OXNAD1: variants seen among roughly 807,000 people sequenced by gnomAD.
The protein encoded by OXNAD1 is oxidoreductase NAD-binding domain-containing protein 1.
A neutral mutation model predicts 32.9 loss-of-function variants in OXNAD1; 34 were observed. The observed-to-expected ratio is 1.03, with a 90% CI of 0.79 to 1.38. OXNAD1 has a LOEUF of 1.38. OXNAD1 is among the 40% of genes most tolerant of loss of function. The pLI, the probability that OXNAD1 is intolerant of heterozygous loss-of-function variation, is 0.00. For synonymous variants in OXNAD1, 134 were observed against 135.2 expected (o/e 0.99, Z 0.06); for missense variants, 407 against 379.4 (o/e 1.07, Z -0.60).
In OXNAD1 at chr3:16,287,012, C is replaced by T. The variant is rs1056875246; in HGVS notation, c.290+564C>T. On this transcript the variant is annotated intron_variant, in intron 5 of 8. Coordinates refer to ENST00000285083, the MANE Select transcript of OXNAD1 (RefSeq NM_138381.5). This position sits in a 1 kb window ranked among gnomAD's most constrained non-coding sequence, Gnocchi z 4.8. ...TTGTTATCAGGATTCCCCAGTCAGG[C>T]CCAGCTCCCCAGAACCCCCACACAA... 2.6e-5 allele frequency among the ~76,000 whole-genome samples: 4 copies of T among 152,112 alleles called. No individual in the cohort carries two copies. Among genetic ancestry groups the T allele is most frequent in the African/African-American group, 9.7e-5 (4 of 41,408 alleles).
Position 16,345,815 on chromosome 3 carries a change from TGTGCGCGCGCGCGTGCGCGC to T in OXNAD1, c.*31-3360_*31-3341del, listed in dbSNP as rs2071639851. ...GTGTGTGTGTGTGTGTGTGTGTGTG[TGTGCGCGCGCGCGTGCGCGC>T]ACGCGCACATGTGCATGTGTATGTG... On this transcript the variant is annotated intron_variant, in intron 9 of 9. Coordinates refer to the OXNAD1 transcript ENST00000606098. The surrounding 1 kb of genome is among the most constrained non-coding windows in gnomAD (Gnocchi z 5.2). 1.2e-5 allele frequency among the ~76,000 whole-genome samples: 1 copy of T among 82,346 alleles called. No individual in the cohort carries two copies. Among genetic ancestry groups the T allele is most frequent in the South Asian group, 3.8e-4 (1 of 2,636 alleles). 54.0% of individuals were successfully genotyped at this position (82,346 alleles called of 152,430 possible).
At chr3:16,350,899 T>C (rs558499527), downstream of OXNAD1, among the ~76,000 whole-genome samples, 2 of 152,318 alleles carry the variant, frequency 1.3e-5, no homozygotes, top group South Asian at 4.1e-4. Flanking sequence ...AGAACAAATA[T>C]TGGCTCCCTT....
At chr3:16,326,664 G>T in intron 9 of OXNAD1, 1 of 792,694 alleles carries the variant, frequency 1.3e-6, no homozygotes, top group Non-Finnish European at 2.0e-6. Context: ...ATAACTACCA[G>T]CCTCTTGCAC....
rs1362779292 is a variant in OXNAD1, at chr3:16,345,830, G to A, written c.*31-3346G>A. On this transcript the variant is annotated intron_variant, in intron 9 of 9. Transcript: ENST00000606098. This position sits in a 1 kb window ranked among gnomAD's most constrained non-coding sequence, Gnocchi z 5.2. ...TGTGTGTGTGTGTGCGCGCGCGCGT[G>A]CGCGCACGCGCACATGTGCATGTGT... 8.2e-4 allele frequency among the ~76,000 whole-genome samples: 67 copies of A among 81,894 alleles called. 1 individual carries two copies. The highest frequency in any genetic ancestry group is 3.1e-3 in the African/African-American group (61 of 19,746). The allele number at this position is 81,894 out of a possible 152,430, so 53.7% of individuals were successfully genotyped here.
chr3:16,299,845 A>G lies in OXNAD1; in HGVS notation c.433-1781A>G, dbSNP rs1264045663. Among the ~76,000 whole-genome samples the G allele has an allele frequency of 1.3e-5, 2 of 152,348 alleles. No homozygotes were observed. The highest frequency in any genetic ancestry group is 4.1e-4 in the South Asian group (2 of 4,828). On this transcript the variant is annotated intron_variant, in intron 6 of 8. Transcript: ENST00000285083. This position sits in a 1 kb window ranked among gnomAD's most constrained non-coding sequence, Gnocchi z 4.4. ...AGAATCTGTTTTTTAGTGACAGGGA[A>G]GAAGGAAGCTGGTATTGCCAGCACT...
In OXNAD1 at chr3:16,344,535, G is replaced by C. The variant is rs1356073397; in HGVS notation, c.*31-4641G>C. On this transcript the variant is annotated intron_variant, in intron 9 of 9. Transcript: ENST00000606098. This position sits in a 1 kb window ranked among gnomAD's most constrained non-coding sequence, Gnocchi z 4.4. Reference sequence around the variant, plus strand: ...CTAGAATGCTTTATGTGGAGCCCAAGAGCATCCATGTTCTTATTCTTAGAT... The same window carrying C: ...CTAGAATGCTTTATGTGGAGCCCAACAGCATCCATGTTCTTATTCTTAGAT... Among the ~76,000 whole-genome samples, 1 of 152,068 alleles carries C rather than the reference G, an allele frequency of 6.6e-6. No individual in the cohort carries two copies. Among genetic ancestry groups the C allele is most frequent in the Non-Finnish European group, 1.5e-5 (1 of 68,012 alleles).
At chr3:16,274,078 G>A (rs1354945378) in intron 4 of OXNAD1, among the ~76,000 whole-genome samples, 1 of 151,094 alleles carries the variant, frequency 6.6e-6, no homozygotes, top group Non-Finnish European at 1.5e-5. Flanking sequence ...AGAAATAGAT[G>A]CTAATGGCAC....
rs1042193352 is a variant in OXNAD1, at chr3:16,290,556, T to C, written c.290+4108T>C. On this transcript the variant is annotated intron_variant, in intron 5 of 8. Coordinates refer to ENST00000285083, the MANE Select transcript of OXNAD1 (RefSeq NM_138381.5). This position sits in a 1 kb window ranked among gnomAD's most constrained non-coding sequence, Gnocchi z 4.2. ...AGTAGCTTATTAATGTATTTATTTT[T>C]TAAACATGGAAATAATGGAGATTTT... Among the ~76,000 whole-genome samples the C allele has an allele frequency of 1.1e-4, 16 of 152,212 alleles. No individual in the cohort carries two copies. The highest frequency in any genetic ancestry group is 3.6e-4 in the African/African-American group (15 of 41,462).
chr3:16,289,015 T>C lies in OXNAD1; in HGVS notation c.290+2567T>C, dbSNP rs2066256601. Among the ~76,000 whole-genome samples, 1 of 152,214 alleles carries C rather than the reference T, an allele frequency of 6.6e-6. No homozygotes were observed. The highest frequency in any genetic ancestry group is 2.4e-5 in the African/African-American group (1 of 41,454). The stretch of plus-strand genomic sequence containing the variant: ...ACATGCTTGCTTTCTACCAGCCAGC[T>C]CTGTGATGTGGTCAGTTTCCTTATT... On this transcript the variant is annotated intron_variant, in intron 5 of 8. Coordinates refer to ENST00000285083, the MANE Select transcript of OXNAD1 (RefSeq NM_138381.5). This position sits in a 1 kb window ranked among gnomAD's most constrained non-coding sequence, Gnocchi z 4.9.
rs921984016 is a variant in OXNAD1, at chr3:16,299,031, C to G, written c.433-2595C>G. On this transcript the variant is annotated intron_variant, in intron 6 of 8. Coordinates refer to ENST00000285083, the MANE Select transcript of OXNAD1 (RefSeq NM_138381.5). This position sits in a 1 kb window ranked among gnomAD's most constrained non-coding sequence, Gnocchi z 4.4. ...ATTTTGTCGTCAAGGATAAGACAGG[C>G]TTCTTGAATATTATCTTTCCCTGGG... is the stretch of plus-strand genomic sequence containing the variant. Among the ~76,000 whole-genome samples, 2 of 152,142 alleles carry G rather than the reference C, an allele frequency of 1.3e-5. No individual in the cohort carries two copies. Among genetic ancestry groups the G allele is most frequent in the Non-Finnish European group, 1.5e-5 (1 of 68,022 alleles).
chr3:16,339,152 A>G (rs1323214176), downstream of OXNAD1, among the ~76,000 whole-genome samples: 1 of 152,202 alleles, frequency 6.6e-6, no homozygotes, highest in African/African-American at 2.4e-5. Flanking sequence ...CTCTCTCCCT[A>G]ACTTTCTCTG....
chr3:16,317,169 G>C lies in OXNAD1; in HGVS notation c.*30+13577G>C, dbSNP rs762925671. On this transcript the variant is annotated intron_variant, in intron 9 of 9. Transcript: ENST00000435829. The surrounding 1 kb of genome is among the most constrained non-coding windows in gnomAD (Gnocchi z 4.3). Reference sequence around the variant, plus strand: ...GCTTGTTGTTTGTCTCTGGCACTGAGTTTACCTTTTGATTTCCTCATCTGC... The same window carrying C: ...GCTTGTTGTTTGTCTCTGGCACTGACTTTACCTTTTGATTTCCTCATCTGC... 5 of 1,613,434 alleles carry C rather than the reference G, an allele frequency of 3.1e-6. No homozygotes were observed. The African/African-American group carries it at 5.4e-5, about 17-fold the overall frequency.
At chr3:16,292,392 C>T (rs770132278) in intron 5 of OXNAD1, among the ~76,000 whole-genome samples, 1 of 151,974 alleles carries the variant, frequency 6.6e-6, no homozygotes, top group Non-Finnish European at 1.5e-5. Context: ...GGGGTTTTAC[C>T]ATGTTGGCCA....
At chr3:16,313,147 G>A (rs1231205457) in intron 9 of OXNAD1, among the ~76,000 whole-genome samples, 3 of 146,888 alleles carry the variant, frequency 2.0e-5, no homozygotes, top group African/African-American at 7.8e-5. Flanking sequence ...CTGGGCTCAA[G>A]CAATTCTCTC....
intron 2 of OXNAD1, among the ~76,000 whole-genome samples, chr3:16,270,638 A>C (rs1195590217): frequency 6.6e-6 from 1 of 152,226 alleles, no homozygotes; most frequent in African/African-American, 2.4e-5. Context: ...CCCCTCTTCT[A>C]TAATAGCATA....
In OXNAD1 at chr3:16,342,583, C is replaced by G. The variant is rs1314926825; in HGVS notation, c.*31-6593C>G. Among the ~76,000 whole-genome samples the G allele has an allele frequency of 6.6e-6, 1 of 152,138 alleles. No homozygotes were observed. Among genetic ancestry groups the G allele is most frequent in the Non-Finnish European group, 1.5e-5 (1 of 68,026 alleles). On this transcript the variant is annotated intron_variant, in intron 9 of 9. Transcript: ENST00000606098. This position sits in a 1 kb window ranked among gnomAD's most constrained non-coding sequence, Gnocchi z 4.0. ...TGGGTCATATGGTAACTATGTTTAA[C>G]ATTTTGGGAAAGTGTCCATGGATCA...
chr3:16,297,090 A>G lies in OXNAD1; in HGVS notation c.432+2093A>G, dbSNP rs1247287987. ...GAAAATATTTACAAATCAGATATCT[A>G]ACAAAGGGCTTGAATCTAGAATATA... On this transcript the variant is annotated intron_variant, in intron 6 of 8. Transcript: ENST00000285083. The surrounding 1 kb of genome is among the most constrained non-coding windows in gnomAD (Gnocchi z 4.3). Among the ~76,000 whole-genome samples, 2 of 152,252 alleles carry G rather than the reference A, an allele frequency of 1.3e-5. No individual in the cohort carries two copies. Among genetic ancestry groups the G allele is most frequent in the Non-Finnish European group, 2.9e-5 (2 of 68,042 alleles).
At position 16,345,815 on chromosome 3, in the gene OXNAD1, TGTGCGCGCGCGC is replaced by T. The variant is rs869114174; in HGVS notation, c.*31-3352_*31-3341del. ...GTGTGTGTGTGTGTGTGTGTGTGTG[TGTGCGCGCGCGC>T]GTGCGCGCACGCGCACATGTGCATG... On this transcript the variant is annotated intron_variant, in intron 9 of 9. Coordinates refer to the OXNAD1 transcript ENST00000606098. This position sits in a 1 kb window ranked among gnomAD's most constrained non-coding sequence, Gnocchi z 5.2. 1.8e-4 allele frequency among the ~76,000 whole-genome samples: 15 copies of T among 82,346 alleles called. No homozygotes were observed. Among genetic ancestry groups the T allele is most frequent in the African/African-American group, 4.5e-4 (6 of 13,354 alleles). The allele number at this position is 82,346 out of a possible 152,430, so 54.0% of individuals were successfully genotyped here. A position where few individuals can be genotyped will look rare whatever the true frequency, so the allele number is the denominator to read the frequency against.
In OXNAD1 at chr3:16,348,086, A is replaced by G. The variant is rs2071854850; in HGVS notation, c.*31-1090A>G. 6.6e-6 allele frequency: 1 copy of G among 152,104 alleles called. No homozygotes were observed. The highest frequency in any genetic ancestry group is 1.5e-5 in the Non-Finnish European group (1 of 68,020). The allele number at this position is 152,104 out of a possible 1,614,324, so 9.4% of individuals were successfully genotyped here. ...TGAGGCCAGGGAGCAGGGCTTTCAT[A>G]CACCCACACTCCTCTGTCATCGACG... On this transcript the variant is annotated intron_variant, in intron 9 of 9. Transcript: ENST00000606098. The surrounding 1 kb of genome is among the most constrained non-coding windows in gnomAD (Gnocchi z 6.3).
Sources: allele counts gnomAD v4.1 joint callset (sites outside exome capture counted in the v4.1 genomes callset), GRCh38; gene constraint gnomAD v4.1.1; non-coding constraint Gnocchi (gnomAD v3.1); transcripts MANE v1.5; gene names NCBI Gene and HGNC (gene_info 2026-07-23, HGNC 2026-07-21).